Variants in CFAP74 observed in about 807,000 individuals in gnomAD.
CFAP74 encodes the protein cilia- and flagella-associated protein 74.
CFAP74 carries 124 observed loss-of-function variants against 188.9 expected under a neutral mutation model. The observed-to-expected ratio is 0.66, with a 90% confidence interval of 0.57 to 0.76. The LOEUF (loss-of-function observed/expected upper bound fraction) is 0.76. Ranked by LOEUF, CFAP74 falls within the 30% of genes least tolerant of loss-of-function variation. CFAP74 has a pLI of 0.00. For missense variants in CFAP74, 2,198 were observed against 2,165.2 expected (o/e 1.02, Z -0.30); for synonymous variants, 956 against 916.7 (o/e 1.04, Z -0.77).
chr1:1,927,243 G>T, intron 28 of CFAP74: 1 of 622,518 alleles, frequency 1.6e-6, no homozygotes, highest in Non-Finnish European at 2.8e-6. Context: ...GTGGCTGGAG[G>T]CTAGGGGTTG....
chr1:1,939,805 C>G, intron 23 of CFAP74, 38 bp from the exon 24 acceptor site: 1 of 1,518,206 alleles, frequency 6.6e-7, no homozygotes, highest in Non-Finnish European at 8.8e-7. Context: ...CGCAGCCACT[C>G]GGAGACTTAC....
Position 1,968,656 on chromosome 1 carries a change from G to A in CFAP74, c.1224C>T (p.Val408=), listed in dbSNP as rs1210261949. The stretch of plus-strand genomic sequence containing the variant: ...TCACCAGTGTGTACGTGTTGGTTGG[G>A]ACTGTGGTCTTCTTGCAAAAGTCAG... ...YISDFCKKTT[V]PTNTYTLDYE... The change falls in exon 11 of 39, where the codon GTC becomes GTT. Residue 408 remains valine (V), a synonymous_variant. Transcript: ENST00000682832. The surrounding 1 kb of genome is among the most constrained non-coding windows in gnomAD (Gnocchi z 4.3). 1.9e-6 allele frequency: 3 copies of A among 1,605,772 alleles called. No homozygotes were observed. The East Asian group carries it at 6.8e-5, about 36-fold the overall frequency.
chr1:1,957,809 G>T (rs906275686), intron 16 of CFAP74, among the ~76,000 whole-genome samples: 4 of 152,100 alleles, frequency 2.6e-5, no homozygotes, highest in Non-Finnish European at 5.9e-5. Context: ...CCTGGTGCTC[G>T]GTGTCCTGGG....
In CFAP74 at chr1:1,978,151, GGTGAGTGTGACA is replaced by G. The variant is rs1283615851; in HGVS notation, c.501-3965_501-3954del. Among the ~76,000 whole-genome samples, 3 of 152,358 alleles carry G rather than the reference GGTGAGTGTGACA, an allele frequency of 2.0e-5. No homozygotes were observed. In the South Asian group the frequency reaches 6.2e-4, roughly 32 times the overall value. Reference sequence around the variant, plus strand: ...GCGTGAGCCACTGCATCCAGCTGTTGGTGAGTGTGACAGTGAGTGTGACCACATATAGAAGAC... The same window carrying G: ...GCGTGAGCCACTGCATCCAGCTGTTGGTGAGTGTGACCACATATAGAAGAC... On this transcript the variant is annotated intron_variant, in intron 6 of 38. Transcript: ENST00000682832.
chr1:1,970,320 G>A (rs1655855424), intron 10 of CFAP74, among the ~76,000 whole-genome samples: 1 of 152,184 alleles, frequency 6.6e-6, no homozygotes, highest in African/African-American at 2.4e-5. Flanking sequence ...GAGACTTCTG[G>A]GTGGGCCAGG....
chr1:1,995,152 A>AG (rs1657848178), intron 1 of CFAP74, among the ~76,000 whole-genome samples: 3 of 152,192 alleles, frequency 2.0e-5, no homozygotes, highest in African/African-American at 7.2e-5. Context: ...CTGGCATCAC[A>AG]CTGAAAATCA....
At position 1,968,114 on chromosome 1, in the gene CFAP74, AATG is replaced by A. The variant is rs1191218906; in HGVS notation, c.1245+518_1245+520del. 3.3e-5 allele frequency among the ~76,000 whole-genome samples: 5 copies of A among 149,628 alleles called. No homozygotes were observed. The highest frequency in any genetic ancestry group is 6.0e-5 in the Non-Finnish European group (4 of 66,984). Reference sequence around the variant, plus strand: ...GAATGAGTGAATGAATGAGTGAATGAATGAAGAATGAGTGAGTGAATGAATGAA... The same window carrying A: ...GAATGAGTGAATGAATGAGTGAATGAAAGAATGAGTGAGTGAATGAATGAA... On this transcript the variant is annotated intron_variant, in intron 11 of 38. Transcript: ENST00000682832. This position sits in a 1 kb window ranked among gnomAD's most constrained non-coding sequence, Gnocchi z 4.3.
chr1:1,928,835 C>T lies in CFAP74; in HGVS notation c.3336G>A (p.Leu1112=). The change falls in exon 27 of 39, where the codon CTG becomes CTA. Residue 1112 remains leucine, a synonymous_variant. Transcript: ENST00000682832. ...VAFRPVLPEK[L]IRQEALPLLN... is the part of the protein sequence containing the mutation. ...GGAGTGGGAGGGCTTCCTGGCGGAT[C>T]AGCTTCTCGGGCAGCACTGGCCGGA... 1 of 1,535,716 alleles carries T rather than the reference C, an allele frequency of 6.5e-7. No individual in the cohort carries two copies. The highest frequency in any genetic ancestry group is 8.7e-7 in the Non-Finnish European group (1 of 1,146,752).
chr1:1,924,636 G>T (rs1244945113), intron 33 of CFAP74, 116 bp from the exon 34 acceptor site: 4 of 1,233,318 alleles, frequency 3.2e-6, no homozygotes, highest in Non-Finnish European at 3.3e-6. Flanking sequence ...TGGGGACCCG[G>T]GTGGCCTGAT....
In CFAP74 at chr1:1,975,158, C is replaced by T. The variant is rs1027957626; in HGVS notation, c.501-960G>A. On this transcript the variant is annotated intron_variant, in intron 6 of 38. Transcript: ENST00000682832. The surrounding 1 kb of genome is among the most constrained non-coding windows in gnomAD (Gnocchi z 4.5). ...TCATGTTCATTTCCACTTCGTCTTTCGTTAAAAGCTTTTCCTGTGGAGCCG... is the reference window on the plus strand; with the variant it reads ...TCATGTTCATTTCCACTTCGTCTTTTGTTAAAAGCTTTTCCTGTGGAGCCG... 3.9e-5 allele frequency among the ~76,000 whole-genome samples: 6 copies of T among 152,348 alleles called. No homozygotes were observed. Among genetic ancestry groups the T allele is most frequent in the South Asian group, 2.1e-4 (1 of 4,832 alleles).
intron 18 of CFAP74, chr1:1,955,390 G>T (rs762039987): frequency 3.6e-6 from 5 of 1,389,202 alleles, no homozygotes; most frequent in African/African-American, 1.4e-5. Flanking sequence ...CCCTCCAGGG[G>T]GCACCGCAGA....
At position 1,926,465 on chromosome 1, in the gene CFAP74, C is replaced by A; in HGVS notation, c.3820G>T (p.Asp1274Tyr). ...TGGGTGGACAAGGACACGGCCAGAT[C>A]CTCGGGAGAGACGTTCTGGATGGAG... ...KISIQNVSPEDLALDFSLLNP... is the reference protein window; with the variant it reads ...KISIQNVSPEYLALDFSLLNP... Residue 1274 changes from aspartate (D) to tyrosine (Y), a missense_variant, in exon 31 of 39, where the codon GAT becomes TAT. Physicochemically the swap from Asp to Tyr is radical, Grantham distance 160 (BLOSUM62 -3). Coordinates refer to ENST00000682832, the MANE Select transcript of CFAP74 (RefSeq NM_001304360.2). 1 of 1,550,268 alleles carries A rather than the reference C, an allele frequency of 6.5e-7. No individual in the cohort carries two copies. The highest frequency in any genetic ancestry group is 1.2e-5 in the South Asian group (1 of 84,064).
At chr1:1,954,714 T>G in intron 18 of CFAP74, 1 of 784,020 alleles carries the variant, frequency 1.3e-6, no homozygotes, top group Non-Finnish European at 1.6e-6. Context: ...GCCCGGGAGG[T>G]CGAGGCTGCA....
Position 1,963,809 on chromosome 1 carries a change from G to T in CFAP74, c.1634C>A (p.Thr545Lys). Reference sequence around the variant, plus strand: ...GCCCACCAGCTTGCAGTAGTTGATCGTGTAGGTGGTGTTTACCAACGTGAT... The same window carrying T: ...GCCCACCAGCTTGCAGTAGTTGATCTTGTAGGTGGTGTTTACCAACGTGAT... ...KKITLVNTTY[T>K]INYCKLVGVE... The change falls in exon 14 of 39, where the codon ACG becomes AAG. Residue 545 changes from threonine (T) to lysine (K), a missense_variant. By Grantham distance (78) the Thr-to-Lys change is moderately conservative. Coordinates refer to ENST00000682832, the MANE Select transcript of CFAP74 (RefSeq NM_001304360.2). 6.2e-7 allele frequency: 1 copy of T among 1,613,964 alleles called. No homozygotes were observed. The highest frequency in any genetic ancestry group is 8.5e-7 in the Non-Finnish European group (1 of 1,179,956).
chr1:1,923,336 G>C lies in CFAP74; in HGVS notation c.4522+31C>G. 1 of 1,541,962 alleles carries C rather than the reference G, an allele frequency of 6.5e-7. No individual in the cohort carries two copies. Among genetic ancestry groups the C allele is most frequent in the East Asian group, 2.4e-5 (1 of 41,082 alleles). On this transcript the variant is annotated intron_variant, in intron 36 of 38. Transcript: ENST00000682832. The surrounding 1 kb of genome is among the most constrained non-coding windows in gnomAD (Gnocchi z 6.3). ...CGGGACAGGGGCACCGGGAGGCCCC[G>C]TGTCTGTTCCCTCCCTGGGGAGGGG... is the stretch of plus-strand genomic sequence containing the variant.
Position 1,966,412 on chromosome 1 carries a change from C to A in CFAP74, c.1360G>T (p.Glu454Ter). 1 of 1,599,586 alleles carries A rather than the reference C, an allele frequency of 6.3e-7. No homozygotes were observed. Among genetic ancestry groups the A allele is most frequent in the Non-Finnish European group, 8.5e-7 (1 of 1,172,006 alleles). Residue 454 changes from glutamate to a stop codon, truncating the protein, a stop_gained, in exon 12 of 39, where the codon GAG (glutamate) becomes TAG (stop). Coordinates refer to ENST00000682832, the MANE Select transcript of CFAP74 (RefSeq NM_001304360.2). LOFTEE classifies it high-confidence loss of function. ...SSEEETLAEP[E>*]ISGLWNEDYK... ...TCTTCATTCCAAAGCCCAGAGATCT[C>A]GGGCTCAGCTAACGTTTCCTCCTCT...
intron 1 of CFAP74, among the ~76,000 whole-genome samples, chr1:2,001,632 C>CTTG (rs1361998944): frequency 6.6e-6 from 1 of 152,148 alleles, no homozygotes; most frequent in African/African-American, 2.4e-5. Context: ...GGCCAAAATG[C>CTTG]TTGTTAATTA....
chr1:2,000,300 C>T (rs930700252), intron 1 of CFAP74, among the ~76,000 whole-genome samples: 2 of 152,222 alleles, frequency 1.3e-5, no homozygotes, highest in Admixed American at 6.5e-5. Flanking sequence ...GGGCAAAAGA[C>T]GTCAACAGGC....
intron 28 of CFAP74, chr1:1,927,319 G>C: frequency 1.7e-6 from 1 of 576,698 alleles, no homozygotes; most frequent in Non-Finnish European, 3.1e-6. Flanking sequence ...GCACCCATTA[G>C]AGCTTTCCCA....
Sources: allele counts gnomAD v4.1 joint callset (sites outside exome capture counted in the v4.1 genomes callset), GRCh38; gene constraint gnomAD v4.1.1; non-coding constraint Gnocchi (gnomAD v3.1); transcripts MANE v1.5; gene names NCBI Gene and HGNC (gene_info 2026-07-23, HGNC 2026-07-21).